The following UVRAG variants were observed in gnomAD, a reference collection of about 807,000 sequenced individuals.
UVRAG encodes the protein UV radiation resistance associated, also known as UV radiation resistance-associated gene protein.
UVRAG carries 19 observed loss-of-function variants against 78.0 expected under a neutral mutation model. The observed-to-expected ratio is 0.24, with a 90% CI of 0.17 to 0.36. The LOEUF (loss-of-function observed/expected upper bound fraction) is 0.36, where lower values mean the gene tolerates loss of function less well. UVRAG is among the 10% of genes least tolerant of loss of function. UVRAG has a pLI of 1.00. For missense variants in UVRAG, 740 were observed against 853.8 expected, an observed-to-expected ratio of 0.87 and a Z score of 1.66; for synonymous variants, 323 against 324.6, an observed-to-expected ratio of 1.00 and a Z score of 0.05.
At chr11:76,040,705 G>A (rs906825859) in intron 12 of UVRAG, among the ~76,000 whole-genome samples, 1 of 151,806 alleles carries the variant, frequency 6.6e-6, no homozygotes, top group Non-Finnish European at 1.5e-5. Context: ...ACAGGCACGC[G>A]CAACCACACC....
At chr11:76,015,885 T>C (rs1012673804) in intron 11 of UVRAG, among the ~76,000 whole-genome samples, 13 of 152,206 alleles carry the variant, frequency 8.5e-5, no homozygotes, top group Non-Finnish European at 1.3e-4. Context: ...GATGGGATAT[T>C]CCAGATTATG....
At chr11:75,965,506 G>A (rs1213775565) in intron 7 of UVRAG, among the ~76,000 whole-genome samples, 10 of 152,052 alleles carry the variant, frequency 6.6e-5, no homozygotes, top group Admixed American at 4.6e-4. Context: ...TAGTAGAGAC[G>A]GGGGTTCACC....
At chr11:76,025,072 T>A (rs775102951) in intron 12 of UVRAG, among the ~76,000 whole-genome samples, 31 of 152,168 alleles carry the variant, frequency 2.0e-4, no homozygotes, top group Non-Finnish European at 4.3e-4. Context: ...TTCTTTTCTT[T>A]GTCTGGCCAG....
chr11:75,892,085 C>A (rs990988228), intron 5 of UVRAG, among the ~76,000 whole-genome samples: 3 of 152,188 alleles, frequency 2.0e-5, no homozygotes, highest in Non-Finnish European at 4.4e-5. Flanking sequence ...GAACCTCCCC[C>A]ACAAAATAAC....
chr11:76,140,010 C>T (rs1426895305), intron 14 of UVRAG, among the ~76,000 whole-genome samples: 1 of 146,058 alleles, frequency 6.8e-6, no homozygotes, highest in Non-Finnish European at 1.5e-5. Context: ...AAAAGGAACC[C>T]CTCAAAAATT....
At chr11:75,970,479 T>A (rs1490677101) in intron 7 of UVRAG, among the ~76,000 whole-genome samples, 1 of 152,174 alleles carries the variant, frequency 6.6e-6, no homozygotes, top group African/African-American at 2.4e-5. Flanking sequence ...ATGCCTGTAA[T>A]CCCAGCACTT....
intron 13 of UVRAG, among the ~76,000 whole-genome samples, chr11:76,110,211 C>CATATATATATATATATATAT (rs10526191): frequency 0.018 from 2,469 of 136,268 alleles, 103 homozygotes; most frequent in African/African-American, 0.062. Context: ...ATATCTGGTA[C>CATATATATATATATATATAT]ATATATATAT....
intron 13 of UVRAG, among the ~76,000 whole-genome samples, chr11:76,090,878 C>T (rs1951684531): frequency 6.6e-6 from 1 of 152,206 alleles, no homozygotes; most frequent in Admixed American, 6.5e-5. Flanking sequence ...AACTTCTGAT[C>T]TGCTGCAGTC....
chr11:76,057,591 G>A (rs1386137519), intron 12 of UVRAG, among the ~76,000 whole-genome samples: 3 of 152,146 alleles, frequency 2.0e-5, no homozygotes, highest in African/African-American at 7.2e-5. Flanking sequence ...AGTCCCCAGT[G>A]TAACCCCCCA....
intron 12 of UVRAG, among the ~76,000 whole-genome samples, chr11:76,035,510 G>A (rs1016061695): frequency 1.3e-5 from 2 of 152,124 alleles, no homozygotes; most frequent in Non-Finnish European, 2.9e-5. Flanking sequence ...ACTTAACTCA[G>A]TTTTGTATTA....
chr11:75,977,419 A>C (rs1371996900), intron 7 of UVRAG, among the ~76,000 whole-genome samples: 6 of 152,122 alleles, frequency 3.9e-5, no homozygotes, highest in East Asian at 1.9e-4. Flanking sequence ...CAATTCCTGG[A>C]TATCCTTGTT....
At chr11:76,112,013 T>C (rs1358225863) in intron 13 of UVRAG, among the ~76,000 whole-genome samples, 1 of 145,280 alleles carries the variant, frequency 6.9e-6, no homozygotes, top group Non-Finnish European at 1.5e-5. Flanking sequence ...AAAATAATAA[T>C]AATAGGAGAA....
At chr11:75,947,457 G>A (rs533363226) in intron 6 of UVRAG, among the ~76,000 whole-genome samples, 9 of 152,228 alleles carry the variant, frequency 5.9e-5, no homozygotes, top group Non-Finnish European at 1.2e-4. Flanking sequence ...ATTTAGTTGA[G>A]ATACGAGTTA....
intron 6 of UVRAG, among the ~76,000 whole-genome samples, chr11:75,937,139 G>A (rs1207226828): frequency 2.0e-5 from 3 of 152,212 alleles, no homozygotes; most frequent in African/African-American, 7.2e-5. Context: ...GAAGGCCAAG[G>A]TGGGCGGATC....
intron 7 of UVRAG, among the ~76,000 whole-genome samples, chr11:75,981,926 T>A (rs1949403821): frequency 6.6e-6 from 1 of 151,844 alleles, no homozygotes; most frequent in Admixed American, 6.5e-5. Context: ...TTTTTTTTCC[T>A]ACTTTTTCAT....
At chr11:75,818,320 G>C (rs1270141366) in intron 1 of UVRAG, among the ~76,000 whole-genome samples, 2 of 151,332 alleles carry the variant, frequency 1.3e-5, no homozygotes, top group African/African-American at 2.4e-5. Flanking sequence ...ATCTGTGTAT[G>C]TCTAATGTTT....
At chr11:76,076,573 G>A (rs1951407887) in intron 13 of UVRAG, among the ~76,000 whole-genome samples, 1 of 152,104 alleles carries the variant, frequency 6.6e-6, no homozygotes, top group African/African-American at 2.4e-5. Context: ...AGATTTGGGT[G>A]GGGACACAGC....
chr11:75,931,976 A>C (rs1948250006), intron 6 of UVRAG, among the ~76,000 whole-genome samples: 1 of 152,220 alleles, frequency 6.6e-6, no homozygotes, highest in Non-Finnish European at 1.5e-5. Context: ...ATGTGCTAAC[A>C]CTGGAAGAAT....
chr11:76,087,722 G>A (rs1209216946), intron 13 of UVRAG, among the ~76,000 whole-genome samples: 1 of 152,196 alleles, frequency 6.6e-6, no homozygotes, highest in Non-Finnish European at 1.5e-5. Context: ...AAGGTGGACA[G>A]AACAAGTCCT....
Sources: allele counts gnomAD v4.1 joint callset (sites outside exome capture counted in the v4.1 genomes callset), GRCh38; gene constraint gnomAD v4.1.1; transcripts MANE v1.5; gene names NCBI Gene and HGNC (gene_info 2026-07-23, HGNC 2026-07-21).